Variants in HSPG2 observed in about 807,000 individuals in gnomAD.
The protein encoded by HSPG2 is basement membrane-specific heparan sulfate proteoglycan core protein.
A neutral mutation model predicts 526.6 loss-of-function variants in HSPG2; 278 were observed. The observed-to-expected ratio is 0.53, with a 90% CI of 0.48 to 0.58. HSPG2 has a LOEUF of 0.58. Ranked by LOEUF, HSPG2 falls within the 20% of genes least tolerant of loss-of-function variation. The pLI is 0.00. For missense variants in HSPG2, 5,354 were observed against 6,099.5 expected (o/e 0.88, Z 4.07); for synonymous variants, 2,465 against 2,555.4 (o/e 0.96, Z 1.07).
chr1:21,833,172 C>T, intron 80 of HSPG2, 96 bp downstream of exon 80: 1 of 1,033,502 alleles, frequency 9.7e-7, no homozygotes, highest in Non-Finnish European at 1.5e-6. Flanking sequence ...TGGGGCAGGA[C>T]TGAGGGGCAG....
intron 24 of HSPG2, 57 bp from the exon 25 acceptor site, chr1:21,875,804 G>A (rs201884596): frequency 3.2e-5 from 52 of 1,606,902 alleles, no homozygotes; most frequent in African/African-American, 4.0e-5. Flanking sequence ...ATTGAATGCC[G>A]GAGAGGCAGG....
rs1557783239 is a variant in HSPG2 at position 21,885,146 on chromosome 1, C to T, written c.1222G>A (p.Val408Met). ...ATGGACTCCCGGGGAGGTGTCACCACCTGGGGGGGCACTGAGGAGACCAGG... is the reference window on the plus strand; with the variant it reads ...ATGGACTCCCGGGGAGGTGTCACCATCTGGGGGGGCACTGAGGAGACCAGG... ...SDEFGCMPPQ[V>M]VTPPRESIQA... The change falls in exon 11 of 97, where the codon GTG becomes ATG. Residue 408 changes from valine (V) to methionine (M), a missense_variant. Physicochemically the swap from Val to Met is conservative, Grantham distance 21. Transcript: ENST00000374695. 6.2e-7 allele frequency: 1 copy of T among 1,608,944 alleles called. No homozygotes were observed. The highest frequency in any genetic ancestry group is 1.7e-5 in the Admixed American group (1 of 59,478).
At chr1:21,860,797 T>C (rs1639728788) in intron 39 of HSPG2, among the ~76,000 whole-genome samples, 1 of 152,214 alleles carries the variant, frequency 6.6e-6, no homozygotes, top group East Asian at 1.9e-4. Flanking sequence ...CAAATGTCCA[T>C]TAAGCAATGA....
At chr1:21,870,870 C>T (rs1223527495) in intron 33 of HSPG2, 6 of 986,338 alleles carry the variant, frequency 6.1e-6, no homozygotes, top group Non-Finnish European at 6.0e-6. Flanking sequence ...AGTACGCCTC[C>T]CCCTGTGGGG....
chr1:21,852,975 C>T lies in HSPG2; in HGVS notation c.6535G>A (p.Ala2179Thr), dbSNP rs1285470830. The change falls in exon 51 of 97, where the codon GCC (alanine) becomes ACC (threonine). Residue 2179 changes from alanine to threonine, a missense_variant. By Grantham distance (58) the Ala-to-Thr change is moderately conservative. Transcript: ENST00000374695. ...LDLNCVVPGQ[A>T]HAQVTWHKRG... is the part of the protein sequence containing the mutation. ...TTGTGCCACGTGACCTGGGCGTGGG[C>T]CTGCCCGGGCACCACGCAGTTCAGA... 2 of 1,613,464 alleles carry T rather than the reference C, an allele frequency of 1.2e-6. No homozygotes were observed. Among genetic ancestry groups the T allele is most frequent in the African/African-American group, 1.3e-5 (1 of 74,930 alleles).
rs953552212 is a variant in HSPG2 at position 21,908,588 on chromosome 1, T to G, written c.64-12278A>C. 2.2e-5 allele frequency: 15 copies of G among 670,298 alleles called. No homozygotes were observed. The African/African-American group carries it at 2.6e-4, about 12-fold the overall frequency. The allele number at this position is 670,298 out of a possible 1,614,324, so 41.5% of individuals were successfully genotyped here. A position where few individuals can be genotyped will look rare whatever the true frequency, so the allele number is the denominator to read the frequency against. ...TATGAATTCACGGCATAATAGGTAT[T>G]TAAAAAAAAAAAAAGACCTCTGGGC... On this transcript the variant is annotated intron_variant, in intron 1 of 96. Transcript: ENST00000374695.
At chr1:21,909,606 T>A (rs1643556399) in intron 1 of HSPG2, among the ~76,000 whole-genome samples, 1 of 152,100 alleles carries the variant, frequency 6.6e-6, no homozygotes, top group Admixed American at 6.5e-5. Context: ...CCCCTCAGAG[T>A]CTGCTGACCA....
rs77060492 is a variant in HSPG2 at position 21,855,230 on chromosome 1, G to C, written c.5997+74C>G. The stretch of plus-strand genomic sequence containing the variant: ...AGGAGGAGGTGGGGTGGGGCGTGAA[G>C]GGGGAGGGAAGGTGGCTGGGACTCT... On this transcript the variant is annotated intron_variant, in intron 47 of 96. Transcript: ENST00000374695. 305,667 of 1,528,302 alleles carry C rather than the reference G, an allele frequency of 0.2. 31,588 individuals carry two copies. The highest frequency in any genetic ancestry group is 0.27 in the South Asian group (23,008 of 83,702). The allele number at this position is 1,528,302 out of a possible 1,614,324, so 94.7% of individuals were successfully genotyped here. A position where few individuals can be genotyped will look rare whatever the true frequency, so the allele number is the denominator to read the frequency against.
rs1640780980 is a variant in HSPG2, at chr1:21,873,068, T to C, written c.3817A>G (p.Ile1273Val). The C allele has an allele frequency of 1.9e-6, 3 of 1,602,160 alleles. No individual in the cohort carries two copies. The highest frequency in any genetic ancestry group is 2.2e-5 in the South Asian group (2 of 91,082). Residue 1273 changes from isoleucine to valine, a missense_variant, in exon 31 of 97, where the codon ATA (isoleucine) becomes GTA (valine). By Grantham distance (29) the Ile-to-Val change is conservative (BLOSUM62 3). Coordinates refer to ENST00000374695, the MANE Select transcript of HSPG2 (RefSeq NM_005529.7). ...CCTTGGGGGTCACAGTTGCAGCCTA[T>C]GGGCCCTGGCACCTGGCTGTCTCCT... ...CQRDSQVPGP[I>V]GCNCDPQGSV...
intron 1 of HSPG2, among the ~76,000 whole-genome samples, chr1:21,910,062 T>C (rs918622197): frequency 1.3e-5 from 2 of 152,132 alleles, no homozygotes; most frequent in South Asian, 2.1e-4. Context: ...CACCGCACCA[T>C]ATAGGGAAGT....
intron 64 of HSPG2, among the ~76,000 whole-genome samples, chr1:21,845,599 C>T (rs1298090877): frequency 2.6e-5 from 4 of 152,178 alleles, no homozygotes; most frequent in East Asian, 1.9e-4. Flanking sequence ...AGACTGGTCT[C>T]GAACTCATGA....
chr1:21,875,498 T>G (rs2152748129), intron 25 of HSPG2, 131 bp downstream of exon 25: 2 of 757,506 alleles, frequency 2.6e-6, no homozygotes, highest in Admixed American at 4.0e-5. Context: ...GTTAAGACTC[T>G]CCGTTTTACA....
At chr1:21,855,062 G>A in intron 47 of HSPG2, 79 bp from the exon 48 acceptor site, 16 of 1,554,748 alleles carry the variant, frequency 1.0e-5, no homozygotes, top group Non-Finnish European at 1.3e-5. Context: ...GGGCATAAAA[G>A]GGAGAGGCAG....
chr1:21,936,918 C>T (rs918686304), intron 1 of HSPG2, among the ~76,000 whole-genome samples: 1 of 152,194 alleles, frequency 6.6e-6, no homozygotes, highest in African/African-American at 2.4e-5. Flanking sequence ...GGCTCCCACA[C>T]GGGCCAGCCC....
chr1:21,846,341 C>T (rs771901511), intron 63 of HSPG2, 86 bp from the exon 64 acceptor site: 3 of 1,608,846 alleles, frequency 1.9e-6, no homozygotes, highest in Non-Finnish European at 2.6e-6. Flanking sequence ...ACCTCTGACA[C>T]AGGGGGGTAC....
Position 21,851,596 on chromosome 1 carries a change from C to T in HSPG2, c.7108G>A (p.Ala2370Thr). 1 of 1,614,010 alleles carries T rather than the reference C, an allele frequency of 6.2e-7. No individual in the cohort carries two copies. The highest frequency in any genetic ancestry group is 1.1e-5 in the South Asian group (1 of 91,088). Residue 2370 changes from alanine to threonine, a missense_variant, in exon 55 of 97, where the codon GCC becomes ACC. Coordinates refer to ENST00000374695, the MANE Select transcript of HSPG2 (RefSeq NM_005529.7). Reference sequence around the variant, plus strand: ...CCACGCTTGTGCCACGTGACCTGGGCATGGGACTGCCCGGGCACCACGCAG... The same window carrying T: ...CCACGCTTGTGCCACGTGACCTGGGTATGGGACTGCCCGGGCACCACGCAG... The part of the protein sequence containing the change: ...LNCVVPGQSH[A>T]QVTWHKRGGS...
chr1:21,860,897 CA>C (rs936435301), intron 39 of HSPG2, among the ~76,000 whole-genome samples: 9 of 152,122 alleles, frequency 5.9e-5, no homozygotes, highest in African/African-American at 2.2e-4. Flanking sequence ...GTTGGGAACC[CA>C]ACATGGAAAT....
In HSPG2 at chr1:21,848,545, G is replaced by T; in HGVS notation, c.7737+98C>A. 7.3e-7 allele frequency: 1 copy of T among 1,371,836 alleles called. No homozygotes were observed. Among genetic ancestry groups the T allele is most frequent in the South Asian group, 1.2e-5 (1 of 85,612 alleles). 85.0% of individuals were successfully genotyped at this position (1,371,836 alleles called of 1,614,324 possible). A position where few individuals can be genotyped will look rare whatever the true frequency, so the allele number is the denominator to read the frequency against. On this transcript the variant is annotated intron_variant, in intron 59 of 96. Transcript: ENST00000374695. This position sits in a 1 kb window ranked among gnomAD's most constrained non-coding sequence, Gnocchi z 4.9. ...CAAGGATACTCAATGTTTGTTGAATGACTGAATGAGCACAGAGTGAGGTGC... is the reference window on the plus strand; with the variant it reads ...CAAGGATACTCAATGTTTGTTGAATTACTGAATGAGCACAGAGTGAGGTGC...
chr1:21,843,537 T>A, intron 65 of HSPG2, 99 bp from the exon 66 acceptor site: 2 of 1,321,734 alleles, frequency 1.5e-6, no homozygotes, highest in Admixed American at 4.2e-5. Flanking sequence ...CACAGATATG[T>A]AGGCGCATCC....
Sources: allele counts gnomAD v4.1 joint callset (sites outside exome capture counted in the v4.1 genomes callset), GRCh38; gene constraint gnomAD v4.1.1; non-coding constraint Gnocchi (gnomAD v3.1); transcripts MANE v1.5; gene names NCBI Gene and HGNC (gene_info 2026-07-23, HGNC 2026-07-21).